SVOP: variants seen among roughly 807,000 people sequenced by gnomAD.
SVOP encodes the protein synaptic vesicle 2-related protein.
SVOP carries 17 observed loss-of-function variants against 69.1 expected under a neutral mutation model. The ratio of observed to expected loss-of-function variants is 0.25; its 90% confidence interval spans 0.17 to 0.37. SVOP has a LOEUF of 0.37. Among genes scored for constraint, SVOP ranks in the 10% least tolerant of loss-of-function variants. SVOP has a pLI of 1.00. For synonymous variants in SVOP, 238 were observed against 238.6 expected, an observed-to-expected ratio of 1.00 and a Z score of 0.02; for missense variants, 435 against 597.5, an observed-to-expected ratio of 0.73 and a Z score of 2.84.
intron 1 of SVOP, among the ~76,000 whole-genome samples, chr12:108,985,114 C>A (rs1282874486): frequency 6.6e-5 from 10 of 152,024 alleles, no homozygotes; most frequent in African/African-American, 2.2e-4. Flanking sequence ...TTGGTCCCAG[C>A]TACTTGGGAG....
intron 7 of SVOP, among the ~76,000 whole-genome samples, chr12:108,942,629 G>A (rs969555988): frequency 2.0e-5 from 3 of 152,238 alleles, no homozygotes; most frequent in Non-Finnish European, 4.4e-5. Context: ...TGTCAGCTGA[G>A]GGTCCTAGCT....
chr12:108,961,176 T>C, intron 5 of SVOP, 129 bp from the exon 6 acceptor site: 1 of 1,194,776 alleles, frequency 8.4e-7, no homozygotes, highest in South Asian at 1.9e-5. Flanking sequence ...GGGTACTGGG[T>C]TCCTCTGTAT....
chr12:108,946,922 G>A lies in SVOP; in HGVS notation c.579-1756C>T, dbSNP rs185639435. Among the ~76,000 whole-genome samples the A allele has an allele frequency of 4.6e-4, 70 of 151,908 alleles. 4 individuals are homozygous for A. The highest frequency in any genetic ancestry group is 4.1e-3 in the Admixed American group (63 of 15,248). Reference sequence around the variant, plus strand: ...TTTGGTAGAGACGGGGTTTCACCATGTTGCCCAGGCTGGTCTCAAATTCCT... The same window carrying A: ...TTTGGTAGAGACGGGGTTTCACCATATTGCCCAGGCTGGTCTCAAATTCCT... On this transcript the variant is annotated intron_variant, in intron 6 of 15. Coordinates refer to ENST00000610966, the MANE Select transcript of SVOP (RefSeq NM_018711.5).
intron 12 of SVOP, 109 bp downstream of exon 12, chr12:108,922,581 G>T: frequency 2.6e-6 from 2 of 768,084 alleles, no homozygotes; most frequent in Admixed American, 2.2e-5. Context: ...GTCCCTCGCT[G>T]ACTAAAAATG....
intron 8 of SVOP, among the ~76,000 whole-genome samples, chr12:108,939,374 C>A (rs2039876233): frequency 6.6e-6 from 1 of 152,110 alleles, no homozygotes; most frequent in Non-Finnish European, 1.5e-5. Context: ...GAAATCTCAC[C>A]CCCATTGTTC....
At chr12:108,929,576 T>C (rs1025091904) in intron 11 of SVOP, among the ~76,000 whole-genome samples, 2 of 152,190 alleles carry the variant, frequency 1.3e-5, no homozygotes, top group Non-Finnish European at 2.9e-5. Flanking sequence ...CCCAAGGTGC[T>C]GGGATTACGA....
chr12:108,945,005 T>C, intron 7 of SVOP, 98 bp downstream of exon 7: 1 of 1,163,330 alleles, frequency 8.6e-7, no homozygotes, highest in East Asian at 2.6e-5. Flanking sequence ...AATGTTTTTT[T>C]CTTAAACTCC....
chr12:108,950,503 G>A (rs767669868), intron 6 of SVOP, among the ~76,000 whole-genome samples: 13 of 152,034 alleles, frequency 8.6e-5, no homozygotes, highest in Non-Finnish European at 1.6e-4. Context: ...CCACCTCAGC[G>A]TCCTGAGTAG....
intron 1 of SVOP, among the ~76,000 whole-genome samples, chr12:109,016,741 GTTCT>G (rs895294121): frequency 7.7e-6 from 1 of 130,576 alleles, no homozygotes; most frequent in Non-Finnish European, 1.6e-5. Context: ...CCCTGCATTA[GTTCT>G]TTTTTTTTTT....
intron 10 of SVOP, among the ~76,000 whole-genome samples, chr12:108,935,231 T>C (rs550630960): frequency 1.3e-5 from 2 of 152,232 alleles, no homozygotes; most frequent in Non-Finnish European, 2.9e-5. Context: ...ACACCGTTTA[T>C]TAATTCCTGG....
At chr12:108,997,371 G>A (rs1306450050) in intron 1 of SVOP, among the ~76,000 whole-genome samples, 3 of 150,686 alleles carry the variant, frequency 2.0e-5, no homozygotes, top group Non-Finnish European at 4.5e-5. Flanking sequence ...CAAGGCGGCA[G>A]CGAGGCTGGG....
At chr12:108,968,734 T>C (rs992892207) in intron 5 of SVOP, among the ~76,000 whole-genome samples, 13 of 128,330 alleles carry the variant, frequency 1.0e-4, no homozygotes, top group African/African-American at 2.9e-4. Context: ...TGTGTGTGCA[T>C]GTTTGTCTTT....
intron 11 of SVOP, among the ~76,000 whole-genome samples, chr12:108,926,173 G>A (rs771331938): frequency 2.6e-5 from 4 of 152,058 alleles, no homozygotes; most frequent in Non-Finnish European, 4.4e-5. Context: ...CTCCCTCCTC[G>A]CCCTCCCAAT....
At chr12:108,934,316 A>G (rs780494518) in intron 10 of SVOP, 45 bp from the exon 11 acceptor site, 10 of 1,522,576 alleles carry the variant, frequency 6.6e-6, no homozygotes, top group Non-Finnish European at 8.9e-6. Context: ...TCAGAGGAAC[A>G]CCAGTCCCCT....
chr12:108,983,477 C>T (rs896928568), intron 2 of SVOP, 124 bp downstream of exon 2: 3 of 397,982 alleles, frequency 7.5e-6, no homozygotes, highest in African/African-American at 6.2e-5. Context: ...CCACTTCCAG[C>T]TCCACCCCTT....
chr12:108,965,644 A>C (rs1344014671), intron 5 of SVOP, among the ~76,000 whole-genome samples: 1 of 60,430 alleles, frequency 1.7e-5, no homozygotes, highest in Non-Finnish European at 4.9e-5. Flanking sequence ...AATAAAACAC[A>C]TCGGGGGCCA....
intron 2 of SVOP, among the ~76,000 whole-genome samples, chr12:108,983,043 TCAC>T (rs1411061567): frequency 4.7e-5 from 7 of 148,992 alleles, no homozygotes; most frequent in Non-Finnish European, 8.9e-5. Flanking sequence ...ATCATCATCA[TCAC>T]CACCATCATC....
At chr12:108,921,825 G>C (rs895902742) in intron 12 of SVOP, among the ~76,000 whole-genome samples, 2 of 152,140 alleles carry the variant, frequency 1.3e-5, no homozygotes, top group African/African-American at 2.4e-5. Context: ...AGTTTCTTCA[G>C]CTGTAAAATG....
chr12:108,917,281 T>C (rs10778662), intron 14 of SVOP, among the ~76,000 whole-genome samples: 54,453 of 152,148 alleles, frequency 0.36, 10,413 homozygotes, highest in South Asian at 0.58. Context: ...TGCACATATA[T>C]CTTCATTCAC....
Sources: gnomAD v4.1 joint callset for allele counts (sites outside exome capture counted in the v4.1 genomes callset) on GRCh38, gnomAD v4.1.1 for gene constraint, MANE v1.5 for transcripts, NCBI Gene and HGNC (gene_info 2026-07-23, HGNC 2026-07-21) for gene names.